The following ME1 variants were observed in gnomAD, a reference collection of about 807,000 sequenced individuals.
The protein encoded by ME1 is malic enzyme 1.
Under a neutral mutation model 66.4 loss-of-function variants are expected in ME1, and 74 were observed. The observed-to-expected ratio is 1.11, with a 90% CI of 0.92 to 1.35. The LOEUF is 1.35. Among genes scored for constraint, ME1 ranks in the 40% most tolerant of loss-of-function variants. The pLI is 0.00. For synonymous variants in ME1, 251 were observed against 235.6 expected, an observed-to-expected ratio of 1.07 and a Z score of -0.60; for missense variants, 750 against 694.1, an observed-to-expected ratio of 1.08 and a Z score of -0.90.
At chr6:83,391,660 A>T (rs1769622366) in intron 3 of ME1, among the ~76,000 whole-genome samples, 2 of 152,084 alleles carry the variant, frequency 1.3e-5, no homozygotes, top group Non-Finnish European at 2.9e-5. Flanking sequence ...TAAGACATAT[A>T]CCCACTCATT....
chr6:83,237,242 A>AGAAAGAAAGAAAGAAAG (rs1429619065), intron 9 of ME1, among the ~76,000 whole-genome samples: 1 of 94,582 alleles, frequency 1.1e-5, no homozygotes, highest in East Asian at 2.8e-4. Context: ...AAAGAAAGAA[A>AGAAAGAAAGAAAGAAAG]GAAAGAAAGA....
At chr6:83,216,649 G>A in intron 12 of ME1, 53 bp from the exon 13 acceptor site, 3 of 1,209,194 alleles carry the variant, frequency 2.5e-6, no homozygotes, top group African/African-American at 1.5e-5. Context: ...GATACAATGT[G>A]GTGGGTACGC....
At chr6:83,217,898 G>C (rs1337420314) in intron 12 of ME1, among the ~76,000 whole-genome samples, 1 of 152,138 alleles carries the variant, frequency 6.6e-6, no homozygotes, top group Non-Finnish European at 1.5e-5. Context: ...GGTGACTAAG[G>C]ACTTCTGACC....
intron 6 of ME1, among the ~76,000 whole-genome samples, chr6:83,281,574 T>C (rs1017774141): frequency 1.3e-5 from 2 of 151,022 alleles, no homozygotes; most frequent in Admixed American, 6.6e-5. Context: ...GGGAGGCAGG[T>C]GTGGGCCCAT....
chr6:83,373,379 G>A (rs1769229477), intron 3 of ME1, among the ~76,000 whole-genome samples: 1 of 152,120 alleles, frequency 6.6e-6, no homozygotes, highest in Non-Finnish European at 1.5e-5. Flanking sequence ...GGGACTACAG[G>A]TAGGTGCCAA....
chr6:83,269,097 G>A (rs1340442004), intron 6 of ME1, among the ~76,000 whole-genome samples: 1 of 152,094 alleles, frequency 6.6e-6, no homozygotes, highest in Non-Finnish European at 1.5e-5. Flanking sequence ...AGATATCTGT[G>A]TATATTTAGG....
At chr6:83,331,828 C>T (rs1325448695) in intron 5 of ME1, among the ~76,000 whole-genome samples, 1 of 151,904 alleles carries the variant, frequency 6.6e-6, no homozygotes, top group Non-Finnish European at 1.5e-5. Flanking sequence ...AAAGAATATC[C>T]CATATAACGT....
At chr6:83,330,711 T>C (rs1768389339) in intron 5 of ME1, among the ~76,000 whole-genome samples, 1 of 152,208 alleles carries the variant, frequency 6.6e-6, no homozygotes, top group African/African-American at 2.4e-5. Flanking sequence ...TTCCTGCTAG[T>C]TATAGTGTGC....
intron 5 of ME1, among the ~76,000 whole-genome samples, chr6:83,342,815 T>C (rs1768614143): frequency 6.6e-6 from 1 of 152,140 alleles, no homozygotes; most frequent in Admixed American, 6.6e-5. Flanking sequence ...GCCTCCCAAG[T>C]AGCTGGGATT....
chr6:83,232,020 G>C (rs1790318177), intron 9 of ME1, among the ~76,000 whole-genome samples: 1 of 152,102 alleles, frequency 6.6e-6, no homozygotes, highest in Non-Finnish European at 1.5e-5. Flanking sequence ...TTTATAGTGG[G>C]CATAGGGAGG....
At chr6:83,426,496 G>T (rs1304722126) in intron 1 of ME1, among the ~76,000 whole-genome samples, 1 of 152,226 alleles carries the variant, frequency 6.6e-6, no homozygotes, top group Non-Finnish European at 1.5e-5. Flanking sequence ...TCACGTTGCA[G>T]AGGCAACTCT....
rs557141664 is a variant in ME1 at position 83,211,416 on chromosome 6, T to C, written c.*508A>G. ...GAATTCCGTTGCACAAAAGAACATA[T>C]ATGATCTAGGACTGGAATAAAAATA... On this transcript the variant is annotated 3_prime_UTR_variant, in exon 14 of 14. Transcript: ENST00000369705. 5 of 152,648 alleles carry C rather than the reference T, an allele frequency of 3.3e-5. No individual in the cohort carries two copies. Among genetic ancestry groups the C allele is most frequent in the Admixed American group, 2.6e-4 (4 of 15,280 alleles). The allele number at this position is 152,648 out of a possible 1,614,324, so 9.5% of individuals were successfully genotyped here.
At chr6:83,393,076 A>G (rs1419248656) in intron 3 of ME1, 1 of 1,447,684 alleles carries the variant, frequency 6.9e-7, no homozygotes, top group Non-Finnish European at 9.6e-7. Flanking sequence ...CCTGAGCTAA[A>G]CGGGAAGCTC....
At chr6:83,263,551 C>G (rs1487954222) in intron 6 of ME1, among the ~76,000 whole-genome samples, 2 of 151,974 alleles carry the variant, frequency 1.3e-5, no homozygotes, top group African/African-American at 2.4e-5. Context: ...TTTTGGGAGT[C>G]TTTTGATAGG....
Position 83,371,521 on chromosome 6 carries a change from G to A in ME1, c.363-19382C>T, listed in dbSNP as rs559560743. Among the ~76,000 whole-genome samples, 10 of 152,202 alleles carry A rather than the reference G, an allele frequency of 6.6e-5. No homozygotes were observed. In the East Asian group the frequency reaches 7.7e-4, roughly 12 times the overall value. ...CTGTTTGTTCACAGGCCTTGTTGCC[G>A]GGTTTTTCCTTTTCAGAGAAAAGAA... On this transcript the variant is annotated intron_variant, in intron 3 of 13. Coordinates refer to ENST00000369705, the MANE Select transcript of ME1 (RefSeq NM_002395.6).
intron 3 of ME1, among the ~76,000 whole-genome samples, chr6:83,359,478 T>C (rs1474795508): frequency 6.6e-6 from 1 of 151,736 alleles, no homozygotes; most frequent in Non-Finnish European, 1.5e-5. Flanking sequence ...AGGCTGAATT[T>C]ATTGATTTGG....
At chr6:83,359,002 T>C (rs1369207252) in intron 3 of ME1, among the ~76,000 whole-genome samples, 6 of 152,120 alleles carry the variant, frequency 3.9e-5, no homozygotes, top group African/African-American at 1.4e-4. Flanking sequence ...ACTTGGAAGG[T>C]TGCACAGCGG....
At chr6:83,408,827 CT>C (rs1769993416) in intron 1 of ME1, among the ~76,000 whole-genome samples, 1 of 152,152 alleles carries the variant, frequency 6.6e-6, no homozygotes, top group African/African-American at 2.4e-5. Context: ...CAAGAGACTT[CT>C]TTATCTAGAC....
At chr6:83,413,815 A>G (rs1038232244) in intron 1 of ME1, among the ~76,000 whole-genome samples, 2 of 152,114 alleles carry the variant, frequency 1.3e-5, no homozygotes, top group African/African-American at 4.8e-5. Flanking sequence ...ATAGATAACA[A>G]TTTCTAGAAT....
Sources: allele counts gnomAD v4.1 joint callset (sites outside exome capture counted in the v4.1 genomes callset), GRCh38; gene constraint gnomAD v4.1.1; transcripts MANE v1.5; gene names NCBI Gene and HGNC (gene_info 2026-07-23, HGNC 2026-07-21).